SH2D3A: variants seen among roughly 807,000 people sequenced by gnomAD.
SH2D3A encodes the protein SH2 domain containing 3A.
In SH2D3A, 46 loss-of-function variants were observed where a neutral mutation model predicts 50.6. That is an observed-to-expected ratio of 0.91 (90% confidence interval 0.72 to 1.16). The LOEUF is 1.16. SH2D3A is among the 50% of genes most tolerant of loss of function. The pLI, the probability that SH2D3A is intolerant of heterozygous loss-of-function variation, is 0.00. For missense variants in SH2D3A, 783 were observed against 786.2 expected, an observed-to-expected ratio of 1.00 and a Z score of 0.05; for synonymous variants, 377 against 348.4, an observed-to-expected ratio of 1.08 and a Z score of -0.91.
intron 2 of SH2D3A, among the ~76,000 whole-genome samples, chr19:6,762,480 C>T (rs188211975): frequency 6.9e-4 from 101 of 146,638 alleles, no homozygotes; most frequent in African/African-American, 2.5e-3. Flanking sequence ...TCACCATGCC[C>T]GGCCCATTTT....
intron 4 of SH2D3A, among the ~76,000 whole-genome samples, chr19:6,755,553 T>A (rs73500351): frequency 0.15 from 23,226 of 151,680 alleles, 2,535 homozygotes; most frequent in African/African-American, 0.32. Context: ...TATTTTTTTT[T>A]AATTTTATTT....
At chr19:6,760,177 C>A (rs974776456) in intron 3 of SH2D3A, among the ~76,000 whole-genome samples, 1 of 151,942 alleles carries the variant, frequency 6.6e-6, no homozygotes, top group Non-Finnish European at 1.5e-5. Flanking sequence ...GAGTTTGAGA[C>A]CAGCCTGGCC....
In SH2D3A at chr19:6,755,044, T is replaced by G. The variant is rs956657865; in HGVS notation, c.768A>C (p.Pro256=). 3.7e-6 allele frequency: 6 copies of G among 1,613,948 alleles called. No individual in the cohort carries two copies. Among genetic ancestry groups the G allele is most frequent in the African/African-American group, 1.3e-5 (1 of 74,888 alleles). ...PSQSCPEPEA[P]WWEAEEDEEE... is the part of the protein sequence containing the mutation. Reference sequence around the variant, plus strand: ...CCTCATCCTCCTCGGCCTCCCACCATGGGGCCTCTGGCTCTGGGCAGCTTT... The same window carrying G: ...CCTCATCCTCCTCGGCCTCCCACCAGGGGGCCTCTGGCTCTGGGCAGCTTT... The change falls in exon 5 of 10, where the codon CCA becomes CCC. Residue 256 remains proline, a synonymous_variant. Coordinates refer to ENST00000245908, the MANE Select transcript of SH2D3A (RefSeq NM_005490.3).
intron 2 of SH2D3A, among the ~76,000 whole-genome samples, chr19:6,762,938 A>G (rs900576347): frequency 6.6e-6 from 1 of 152,224 alleles, no homozygotes; most frequent in Non-Finnish European, 1.5e-5. Context: ...CTGGGTCTCA[A>G]TTATGGGATT....
rs940419420 is a variant in SH2D3A, at chr19:6,760,473, G to A, written c.419+165C>T. Among the ~76,000 whole-genome samples the A allele has an allele frequency of 7.5e-4, 114 of 152,060 alleles. 1 individual carries two copies. The highest frequency in any genetic ancestry group is 7.1e-4 in the Non-Finnish European group (48 of 68,008). Reference sequence around the variant, plus strand: ...CTCTGGAGGCTGAGGCAGGAGAATCGCTTGAACCTGAGAGGTGGAGGTTGC... The same window carrying A: ...CTCTGGAGGCTGAGGCAGGAGAATCACTTGAACCTGAGAGGTGGAGGTTGC... On this transcript the variant is annotated intron_variant, in intron 3 of 9. Transcript: ENST00000245908.
In SH2D3A at chr19:6,755,163, G is replaced by T. The variant is rs770804242; in HGVS notation, c.649C>A (p.Pro217Thr). 1 of 1,605,638 alleles carries T rather than the reference G, an allele frequency of 6.2e-7. No individual in the cohort carries two copies. The highest frequency in any genetic ancestry group is 8.5e-7 in the Non-Finnish European group (1 of 1,174,332). ...GAGGCATCAGGCAGTTCGAAGGAGGGTGTCCGGGGGGGCTTCGTTGGTGCC... is the reference window on the plus strand; with the variant it reads ...GAGGCATCAGGCAGTTCGAAGGAGGTTGTCCGGGGGGGCTTCGTTGGTGCC... ...AKAPTKPPRT[P>T]SFELPDASER... Residue 217 changes from proline to threonine, a missense_variant, in exon 5 of 10, where the codon CCC becomes ACC. Transcript: ENST00000245908.
chr19:6,761,223 G>A (rs1970000499), intron 2 of SH2D3A: 3 of 532,656 alleles, frequency 5.6e-6, no homozygotes, highest in Non-Finnish European at 6.7e-6. Flanking sequence ...ATGAGAACTG[G>A]CCAATGGGAT....
chr19:6,753,727 G>A (rs1599576612), intron 8 of SH2D3A, 86 bp from the exon 9 acceptor site: 4 of 1,347,522 alleles, frequency 3.0e-6, no homozygotes, highest in East Asian at 5.1e-5. Flanking sequence ...TGCAGGGGCG[G>A]GGCTTAGGAC....
intron 1 of SH2D3A, among the ~76,000 whole-genome samples, chr19:6,765,663 G>A (rs1448424928): frequency 2.7e-5 from 4 of 148,156 alleles, no homozygotes; most frequent in African/African-American, 1.0e-4. Flanking sequence ...AGAGAGAATC[G>A]CTTGAATCCA....
Position 6,754,158 on chromosome 19 carries a change from G to C in SH2D3A, c.1278C>G (p.Ser426=), listed in dbSNP as rs765795615. The C allele has an allele frequency of 6.2e-7, 1 of 1,612,802 alleles. No individual in the cohort carries two copies. The highest frequency in any genetic ancestry group is 1.1e-5 in the South Asian group (1 of 90,846). The change falls in exon 8 of 10, where the codon TCC becomes TCG. Residue 426 remains serine (S), a synonymous_variant. Coordinates refer to ENST00000245908, the MANE Select transcript of SH2D3A (RefSeq NM_005490.3). Reference sequence around the variant, plus strand: ...GCTGGCGCCACGTGTGCTCCAACCGGGACACCTGGGAGAAGAGATCTGAGC... The same window carrying C: ...GCTGGCGCCACGTGTGCTCCAACCGCGACACCTGGGAGAAGAGATCTGAGC... ...VMGALLMPQV[S]RLEHTWRQLR...
intron 2 of SH2D3A, chr19:6,761,270 G>A: frequency 2.6e-6 from 1 of 388,700 alleles, no homozygotes; most frequent in South Asian, 4.0e-5. Flanking sequence ...TCCAGACCTG[G>A]CGCATAAAAC....
chr19:6,752,500 T>C lies in SH2D3A; in HGVS notation c.*93A>G. The C allele has an allele frequency of 4.0e-6, 5 of 1,240,032 alleles. No homozygotes were observed. The South Asian group carries it at 7.4e-5, about 18-fold the overall frequency. 76.8% of individuals were successfully genotyped at this position (1,240,032 alleles called of 1,614,324 possible). The stretch of plus-strand genomic sequence containing the variant: ...GTGAGGCACAGGGCAGGATTCCACC[T>C]GAGGCGCGAGGAGCCTGGGACGACT... On this transcript the variant is annotated 3_prime_UTR_variant, in exon 10 of 10. Transcript: ENST00000245908.
Position 6,760,862 on chromosome 19 carries a change from C to T in SH2D3A, c.195G>A (p.Val65=). 4 of 1,614,244 alleles carry T rather than the reference C, an allele frequency of 2.5e-6. No individual in the cohort carries two copies. The highest frequency in any genetic ancestry group is 3.4e-6 in the Non-Finnish European group (4 of 1,180,038). ...GSALHFEVFR[V]ALRPRPGRPT... Reference sequence around the variant, plus strand: ...GTCGGCCTGGCCGGGGACGCAGGGCCACACGGAACACCTCAAAATGGAGGG... The same window carrying T: ...GTCGGCCTGGCCGGGGACGCAGGGCTACACGGAACACCTCAAAATGGAGGG... The change falls in exon 3 of 10, where the codon GTG becomes GTA. Residue 65 remains valine, a synonymous_variant. Transcript: ENST00000245908.
Position 6,752,740 on chromosome 19 carries a change from G to C in SH2D3A, c.1584C>G (p.Asn528Lys). 17 of 1,543,822 alleles carry C rather than the reference G, an allele frequency of 1.1e-5. No individual in the cohort carries two copies. Among genetic ancestry groups the C allele is most frequent in the Non-Finnish European group, 1.3e-5 (15 of 1,141,948 alleles). The part of the protein sequence containing the change: ...AAQRLRGFRP[N>K]PELREALTTG... ...TGGTCAGGGCCTCCCTCAGCTCCGG[G>C]TTAGGCCGGAATCCTGGAAGCAAGG... The change falls in exon 10 of 10, where the codon AAC becomes AAG. Residue 528 changes from asparagine (N) to lysine (K), a missense_variant. Asn to Lys is a moderately conservative substitution (Grantham distance 94, BLOSUM62 0). Coordinates refer to ENST00000245908, the MANE Select transcript of SH2D3A (RefSeq NM_005490.3).
chr19:6,753,680 A>C, intron 8 of SH2D3A, 39 bp from the exon 9 acceptor site: 1 of 1,497,194 alleles, frequency 6.7e-7, no homozygotes. Flanking sequence ...TTGGGGCTGT[A>C]GATGGGGCAT....
chr19:6,754,220 C>T, intron 7 of SH2D3A, 31 bp downstream of exon 7: 1 of 1,605,684 alleles, frequency 6.2e-7, no homozygotes, highest in East Asian at 2.2e-5. Flanking sequence ...ACCCGCACTC[C>T]AGCTTCCTCC....
Position 6,760,776 on chromosome 19 carries a change from C to A in SH2D3A, c.281G>T (p.Ser94Ile), listed in dbSNP as rs1362282856. The change falls in exon 3 of 10, where the codon AGT (serine) becomes ATT (isoleucine). Residue 94 changes from serine (S) to isoleucine (I), a missense_variant. Transcript: ENST00000245908. ...CAGTGGGCGCCTGCCTGTCATATAA[C>A]TGTGAACCAGAGCCGGTATGCTGGG... ...QFPSIPALVH[S>I]YMTGRRPLSQ... is the part of the protein sequence containing the mutation. 2.5e-6 allele frequency: 4 copies of A among 1,614,148 alleles called. No individual in the cohort carries two copies. Among genetic ancestry groups the A allele is most frequent in the Non-Finnish European group, 3.4e-6 (4 of 1,180,052 alleles).
In SH2D3A at chr19:6,761,139, T is replaced by G. The variant is rs115424370; in HGVS notation, c.70-152A>C. On this transcript the variant is annotated intron_variant, in intron 2 of 9. Transcript: ENST00000245908. The stretch of plus-strand genomic sequence containing the variant: ...AAAGACGGGGAACTTTCACACCAAG[T>G]TCTGTCCCCCTTTCTCCTGGCACCT... The G allele has an allele frequency of 3.1e-3, 1,944 of 634,916 alleles. 8 individuals are homozygous for G. The highest frequency in any genetic ancestry group is 0.014 in the African/African-American group (781 of 54,528). 39.3% of individuals were successfully genotyped at this position (634,916 alleles called of 1,614,324 possible).
rs941083340 is a variant in SH2D3A at position 6,762,681 on chromosome 19, CT to C, written c.69+998del. On this transcript the variant is annotated intron_variant, in intron 2 of 9. Coordinates refer to ENST00000245908, the MANE Select transcript of SH2D3A (RefSeq NM_005490.3). Reference sequence around the variant, plus strand: ...GCCACCCATGCCTGGATAATTTTCGCTTTTTTTTTTTTTTTTGTGTAGAGAC... The same window carrying C: ...GCCACCCATGCCTGGATAATTTTCGCTTTTTTTTTTTTTTTGTGTAGAGAC... Among the ~76,000 whole-genome samples, 172 of 126,742 alleles carry C rather than the reference CT, an allele frequency of 1.4e-3. 1 individual carries two copies. Among genetic ancestry groups the C allele is most frequent in the East Asian group, 3.8e-3 (18 of 4,698 alleles). The allele number at this position is 126,742 out of a possible 152,430, so 83.1% of individuals were successfully genotyped here. A position where few individuals can be genotyped will look rare whatever the true frequency, so the allele number is the denominator to read the frequency against.
Sources: allele counts gnomAD v4.1 joint callset (sites outside exome capture counted in the v4.1 genomes callset), GRCh38; gene constraint gnomAD v4.1.1; transcripts MANE v1.5; gene names NCBI Gene and HGNC (gene_info 2026-07-23, HGNC 2026-07-21).